The following BIK variants were observed in gnomAD, a reference collection of about 807,000 sequenced individuals.
BIK encodes bcl-2-interacting killer.
In BIK, 14 loss-of-function variants were observed where a neutral mutation model predicts 12.1. The ratio of observed to expected loss-of-function variants is 1.16; its 90% CI spans 0.77 to 1.81. The LOEUF is 1.81. Among genes scored for constraint, BIK ranks in the 40% most tolerant of loss-of-function variants. The pLI is 0.00. For synonymous variants in BIK, 86 were observed against 92.3 expected, an observed-to-expected ratio of 0.93 and a Z score of 0.39; for missense variants, 215 against 207.9, an observed-to-expected ratio of 1.03 and a Z score of -0.21.
chr22:43,129,419 A>G lies in BIK; in HGVS notation c.*114A>G. The stretch of plus-strand genomic sequence containing the variant: ...TTTCTCATGATGCCTTTTTATATTT[A>G]AACCCCGAGATAGTGCTGGAACACT... On this transcript the variant is annotated 3_prime_UTR_variant, in exon 5 of 5. Coordinates refer to ENST00000216115, the MANE Select transcript of BIK (RefSeq NM_001197.5). The G allele has an allele frequency of 7.1e-7, 1 of 1,418,314 alleles. No homozygotes were observed. The highest frequency in any genetic ancestry group is 9.3e-7 in the Non-Finnish European group (1 of 1,079,614). The allele number at this position is 1,418,314 out of a possible 1,614,324, so 87.9% of individuals were successfully genotyped here.
chr22:43,124,883 CT>C (rs1930284726), intron 2 of BIK, among the ~76,000 whole-genome samples: 2 of 152,150 alleles, frequency 1.3e-5, no homozygotes, highest in Non-Finnish European at 2.9e-5. Flanking sequence ...CAGAGCGAGA[CT>C]CCATCTCAAA....
chr22:43,114,605 G>A (rs921390422), intron 1 of BIK, among the ~76,000 whole-genome samples: 5 of 152,150 alleles, frequency 3.3e-5, no homozygotes, highest in Non-Finnish European at 4.4e-5. Context: ...CTGGCCAAGA[G>A]ATGACATTTA....
In BIK at chr22:43,127,801, C is replaced by T. The variant is rs1314633940; in HGVS notation, c.260+6C>T. 4.5e-6 allele frequency: 7 copies of T among 1,548,090 alleles called. No homozygotes were observed. The highest frequency in any genetic ancestry group is 3.4e-4 in the Middle Eastern group (2 of 5,940). ...TCCGAGGTGGCCATGCACAGGTAGC[C>T]GGCCTATGCCCTATGCCTCTACACC... On this transcript the variant is annotated splice_donor_region_variant and intron_variant, in intron 3 of 4. Transcript: ENST00000216115.
At chr22:43,117,030 A>G (rs1257314733) in intron 1 of BIK, among the ~76,000 whole-genome samples, 2 of 152,012 alleles carry the variant, frequency 1.3e-5, no homozygotes, top group African/African-American at 4.8e-5. Context: ...TAGCCAGGTG[A>G]CCCCTTCATT....
intron 4 of BIK, 40 bp from the exon 5 acceptor site, chr22:43,129,173 G>T: frequency 1.2e-6 from 2 of 1,600,940 alleles, no homozygotes; most frequent in Non-Finnish European, 1.7e-6. Flanking sequence ...CCATTGCCGG[G>T]GCCTGCCCCG....
At chr22:43,110,865 G>A in intron 1 of BIK, 62 bp downstream of exon 1, 1 of 152,274 alleles carries the variant, frequency 6.6e-6, no homozygotes, top group Non-Finnish European at 1.5e-5. Context: ...GGCGGTTAGC[G>A]CCCAGGCCGC....
At chr22:43,111,150 C>T (rs987756521) in intron 1 of BIK, among the ~76,000 whole-genome samples, 1 of 152,280 alleles carries the variant, frequency 6.6e-6, no homozygotes, top group Non-Finnish European at 1.5e-5. Context: ...TCCGGGCACC[C>T]GGCTCCGAAC....
intron 1 of BIK, among the ~76,000 whole-genome samples, chr22:43,111,456 T>C (rs1930009916): frequency 6.6e-6 from 1 of 152,094 alleles, no homozygotes; most frequent in Non-Finnish European, 1.5e-5. Flanking sequence ...AGAGCCCGGC[T>C]GGGGCATGCG....
intron 1 of BIK, among the ~76,000 whole-genome samples, chr22:43,115,118 T>G (rs768511396): frequency 1.4e-4 from 21 of 152,212 alleles, no homozygotes; most frequent in Non-Finnish European, 2.9e-4. Flanking sequence ...AGGTAAACAT[T>G]TAACGAGACC....
chr22:43,120,476 C>T (rs1401632765), intron 1 of BIK, among the ~76,000 whole-genome samples: 1 of 152,216 alleles, frequency 6.6e-6, no homozygotes, highest in Non-Finnish European at 1.5e-5. Flanking sequence ...GCGTGAGCCG[C>T]ACTGCACCAG....
Position 43,126,388 on chromosome 22 carries a change from T to C in BIK, c.162-1309T>C, listed in dbSNP as rs555575989. On this transcript the variant is annotated intron_variant, in intron 2 of 4. Coordinates refer to ENST00000216115, the MANE Select transcript of BIK (RefSeq NM_001197.5). The stretch of plus-strand genomic sequence containing the variant: ...TTTCAGTAGAGACAGGGTTTCATCA[T>C]GTTAGCCAGGATGGTCTCGATCTCC... 5.3e-5 allele frequency among the ~76,000 whole-genome samples: 8 copies of C among 152,154 alleles called. No individual in the cohort carries two copies. The East Asian group carries it at 1.5e-3, about 29-fold the overall frequency.
intron 1 of BIK, among the ~76,000 whole-genome samples, chr22:43,116,856 C>T (rs60972018): frequency 6.6e-6 from 1 of 152,172 alleles, no homozygotes; most frequent in Non-Finnish European, 1.5e-5. Flanking sequence ...GAAAGATCAC[C>T]TGAGCCCAGG....
Position 43,128,626 on chromosome 22 carries a change from G to A in BIK, c.390+1G>A. ...GAGATCCCCGAACCCCGGGTCCTGG[G>A]TAAGAGCCTTGAGATCCCTGACCCT... On this transcript the variant is annotated splice_donor_variant, in intron 4 of 4. Transcript: ENST00000216115. LOFTEE classifies it high-confidence loss of function. 1 of 1,606,386 alleles carries A rather than the reference G, an allele frequency of 6.2e-7. No homozygotes were observed. The highest frequency in any genetic ancestry group is 8.5e-7 in the Non-Finnish European group (1 of 1,175,394).
At chr22:43,122,675 A>G (rs1403111394) in intron 1 of BIK, among the ~76,000 whole-genome samples, 9 of 152,170 alleles carry the variant, frequency 5.9e-5, no homozygotes, top group Non-Finnish European at 1.3e-4. Context: ...CGCAATGATC[A>G]TAGTTAGGAA....
intron 1 of BIK, among the ~76,000 whole-genome samples, chr22:43,123,569 G>A (rs1343170125): frequency 6.6e-6 from 1 of 152,130 alleles, no homozygotes; most frequent in Non-Finnish European, 1.5e-5. Context: ...TGGCCAACAT[G>A]ATGAAACCCC....
intron 1 of BIK, among the ~76,000 whole-genome samples, chr22:43,118,003 T>C (rs957801426): frequency 1.3e-5 from 2 of 152,128 alleles, no homozygotes; most frequent in African/African-American, 4.8e-5. Context: ...TTTTTTATTG[T>C]TAATTTATTT....
chr22:43,115,166 A>C (rs1452572752), intron 1 of BIK, among the ~76,000 whole-genome samples: 5 of 152,196 alleles, frequency 3.3e-5, no homozygotes, highest in African/African-American at 4.8e-5. Flanking sequence ...CTGTTTACCC[A>C]AGGTGCTGGG....
At chr22:43,128,279 C>T (rs1406480073) in intron 3 of BIK, among the ~76,000 whole-genome samples, 4 of 152,116 alleles carry the variant, frequency 2.6e-5, no homozygotes, top group East Asian at 3.9e-4. Flanking sequence ...GGCTGGCTGG[C>T]GGAGGAAGCA....
At chr22:43,123,648 G>A (rs989067340) in intron 1 of BIK, among the ~76,000 whole-genome samples, 5 of 152,194 alleles carry the variant, frequency 3.3e-5, no homozygotes, top group African/African-American at 1.2e-4. Flanking sequence ...CTACTCGGGA[G>A]GCTGAGGCAG....
Sources: allele counts gnomAD v4.1 joint callset (sites outside exome capture counted in the v4.1 genomes callset), GRCh38; gene constraint gnomAD v4.1.1; transcripts MANE v1.5; gene names NCBI Gene and HGNC (gene_info 2026-07-23, HGNC 2026-07-21).